The following C6orf47 variants were observed in gnomAD, a reference collection of about 807,000 sequenced individuals.
C6orf47 encodes uncharacterized protein C6orf47.
C6orf47 carries 1 observed loss-of-function variant against 5.6 expected under a neutral mutation model. That is an observed-to-expected ratio of 0.18 (90% confidence interval 0.06 to 0.85). The LOEUF (loss-of-function observed/expected upper bound fraction) is 0.85, where lower values mean the gene tolerates loss of function less well. Among genes scored for constraint, C6orf47 ranks in the 40% least tolerant of loss-of-function variants. The probability of loss-of-function intolerance (pLI) is 0.70; values close to 1 mark genes in which losing one functional copy is unlikely to be tolerated. For synonymous variants in C6orf47, 149 were observed against 161.7 expected (o/e 0.92, Z 0.60); for missense variants, 323 against 367.1 (o/e 0.88, Z 0.98).
In C6orf47 at chr6:31,659,414, G is replaced by A; in HGVS notation, c.534C>T (p.Ile178=). The part of the protein sequence containing the change: ...YLGGPEECLQ[I]STNLTLHLLE... ...GAAGATGCAGGGTCAGGTTGGTGGAGATCTGCAGACACTCTTCTGGGCCCC... is the reference window on the plus strand; with the variant it reads ...GAAGATGCAGGGTCAGGTTGGTGGAAATCTGCAGACACTCTTCTGGGCCCC... Residue 178 remains isoleucine, a synonymous_variant, in exon 1 of 1, where the codon ATC becomes ATT. Coordinates refer to ENST00000375911, the MANE Select transcript of C6orf47 (RefSeq NM_021184.4). The surrounding 1 kb of genome is among the most constrained non-coding windows in gnomAD (Gnocchi z 5.6). 1.2e-6 allele frequency: 2 copies of A among 1,613,088 alleles called. No individual in the cohort carries two copies. Among genetic ancestry groups the A allele is most frequent in the Admixed American group, 1.7e-5 (1 of 60,018 alleles).
Position 31,660,363 on chromosome 6 carries a change from G to T in C6orf47, c.-416C>A, listed in dbSNP as rs145531009. The T allele has an allele frequency of 1.2e-3, 252 of 217,078 alleles. 1 individual carries two copies. The Middle Eastern group carries it at 0.019, about 17-fold the overall frequency. The allele number at this position is 217,078 out of a possible 1,614,324, so 13.4% of individuals were successfully genotyped here. A position where few individuals can be genotyped will look rare whatever the true frequency, so the allele number is the denominator to read the frequency against. On this transcript the variant is annotated 5_prime_UTR_variant, in exon 1 of 1. Transcript: ENST00000375911. The surrounding 1 kb of genome is among the most constrained non-coding windows in gnomAD (Gnocchi z 4.7). ...GTGTCCCAGAAACTGGGGAGGCAGT[G>T]CTCCATCCAATAAAGCGGGCAGGAA...
Position 31,658,783 on chromosome 6 carries a change from G to A in C6orf47, c.*280C>T, listed in dbSNP as rs934030232. Reference sequence around the variant, plus strand: ...CACCATCATACTTTTTTTTTTTTTTGCTTTTAAAAAGTGGAGGTGGAAAAA... The same window carrying A: ...CACCATCATACTTTTTTTTTTTTTTACTTTTAAAAAGTGGAGGTGGAAAAA... On this transcript the variant is annotated 3_prime_UTR_variant, in exon 1 of 1. Transcript: ENST00000375911. 1.6e-5 allele frequency: 4 copies of A among 255,294 alleles called. No individual in the cohort carries two copies. The highest frequency in any genetic ancestry group is 2.7e-5 in the Non-Finnish European group (4 of 146,600). The allele number at this position is 255,294 out of a possible 1,614,324, so 15.8% of individuals were successfully genotyped here.
chr6:31,660,083 T>C lies in C6orf47; in HGVS notation c.-136A>G. 1 of 1,048,848 alleles carries C rather than the reference T, an allele frequency of 9.5e-7. No homozygotes were observed. Among genetic ancestry groups the C allele is most frequent in the Non-Finnish European group, 1.4e-6 (1 of 735,234 alleles). 65.0% of individuals were successfully genotyped at this position (1,048,848 alleles called of 1,614,324 possible). A position where few individuals can be genotyped will look rare whatever the true frequency, so the allele number is the denominator to read the frequency against. On this transcript the variant is annotated 5_prime_UTR_variant, in exon 1 of 1. Coordinates refer to ENST00000375911, the MANE Select transcript of C6orf47 (RefSeq NM_021184.4). This position sits in a 1 kb window ranked among gnomAD's most constrained non-coding sequence, Gnocchi z 4.7. ...CCTGGTGATGCAGTCCTACTCTGAATTCAGAAGTGGCTCCTCCCTTCTCTG... is the reference window on the plus strand; with the variant it reads ...CCTGGTGATGCAGTCCTACTCTGAACTCAGAAGTGGCTCCTCCCTTCTCTG...
Position 31,659,004 on chromosome 6 carries a change from T to C in C6orf47, c.*59A>G, listed in dbSNP as rs1800465385. The C allele has an allele frequency of 6.4e-7, 1 of 1,559,158 alleles. No individual in the cohort carries two copies. Among genetic ancestry groups the C allele is most frequent in the Non-Finnish European group, 8.7e-7 (1 of 1,147,116 alleles). On this transcript the variant is annotated 3_prime_UTR_variant, in exon 1 of 1. Coordinates refer to ENST00000375911, the MANE Select transcript of C6orf47 (RefSeq NM_021184.4). This position sits in a 1 kb window ranked among gnomAD's most constrained non-coding sequence, Gnocchi z 5.6. Reference sequence around the variant, plus strand: ...GTCCCTATGCTTACAATTTGGGTCATGCCTCACACTTTTCTCCTAAAGCCC... The same window carrying C: ...GTCCCTATGCTTACAATTTGGGTCACGCCTCACACTTTTCTCCTAAAGCCC...
chr6:31,659,150 A>G lies in C6orf47; in HGVS notation c.798T>C (p.Asn266=). ...LVLAVSLREP[N]GDEAATDWES... is the part of the protein sequence containing the mutation. ...CCCAGTCAGTGGCCGCCTCATCCCC[A>G]TTGGGCTCCCGGAGGCTGACAGCCA... Residue 266 remains asparagine, a synonymous_variant, in exon 1 of 1, where the codon AAT becomes AAC. Transcript: ENST00000375911. The surrounding 1 kb of genome is among the most constrained non-coding windows in gnomAD (Gnocchi z 5.6). The G allele has an allele frequency of 1.2e-6, 2 of 1,612,768 alleles. No homozygotes were observed. The highest frequency in any genetic ancestry group is 1.7e-6 in the Non-Finnish European group (2 of 1,179,970).
chr6:31,659,006 C>A lies in C6orf47; in HGVS notation c.*57G>T, dbSNP rs759207765. The A allele has an allele frequency of 5.0e-5, 78 of 1,562,532 alleles. No individual in the cohort carries two copies. Among genetic ancestry groups the A allele is most frequent in the Non-Finnish European group, 5.7e-5 (65 of 1,148,848 alleles). On this transcript the variant is annotated 3_prime_UTR_variant, in exon 1 of 1. Transcript: ENST00000375911. The surrounding 1 kb of genome is among the most constrained non-coding windows in gnomAD (Gnocchi z 5.6). Reference sequence around the variant, plus strand: ...CCCTATGCTTACAATTTGGGTCATGCCTCACACTTTTCTCCTAAAGCCCAC... The same window carrying A: ...CCCTATGCTTACAATTTGGGTCATGACTCACACTTTTCTCCTAAAGCCCAC...
Position 31,659,183 on chromosome 6 carries a change from G to A in C6orf47, c.765C>T (p.Ala255=), listed in dbSNP as rs748220177. 4.3e-6 allele frequency: 7 copies of A among 1,613,072 alleles called. No homozygotes were observed. The highest frequency in any genetic ancestry group is 5.9e-6 in the Non-Finnish European group (7 of 1,180,028). Residue 255 remains alanine (A), a synonymous_variant, in exon 1 of 1, where the codon GCC becomes GCT. Transcript: ENST00000375911. This position sits in a 1 kb window ranked among gnomAD's most constrained non-coding sequence, Gnocchi z 5.6. ...HFACLFGLLQ[A]LVLAVSLREP... is the part of the protein sequence containing the mutation. The stretch of plus-strand genomic sequence containing the variant: ...CCCGGAGGCTGACAGCCAGCACCAA[G>A]GCCTGCAGGAGACCAAAGAGGCAGG...
chr6:31,660,557 T>C lies in C6orf47; in HGVS notation c.-610A>G, dbSNP rs1192066018. 1 of 167,388 alleles carries C rather than the reference T, an allele frequency of 6.0e-6. No homozygotes were observed. Among genetic ancestry groups the C allele is most frequent in the Non-Finnish European group, 1.5e-5 (1 of 68,306 alleles). 10.4% of individuals were successfully genotyped at this position (167,388 alleles called of 1,614,324 possible). ...TTAGAGGGCTATGATTTCTACAAAG[T>C]GGCCCGACTGGCCCGCGAACACGCA... On this transcript the variant is annotated 5_prime_UTR_variant, in exon 1 of 1. Transcript: ENST00000375911. This position sits in a 1 kb window ranked among gnomAD's most constrained non-coding sequence, Gnocchi z 4.7.
In C6orf47 at chr6:31,659,352, G is replaced by A. The variant is rs752798207; in HGVS notation, c.596C>T (p.Ser199Leu). ...GTCCAAGGCTGCCCGCAGTGGTCGTGAGCACAGGGCCAGCAGGGCAGAGGC... is the reference window on the plus strand; with the variant it reads ...GTCCAAGGCTGCCCGCAGTGGTCGTAAGCACAGGGCCAGCAGGGCAGAGGC... Reference protein sequence around the residue: ...LLASALLALCSRPLRAALDTL... With the variant: ...LLASALLALCLRPLRAALDTL... Residue 199 changes from serine (S) to leucine (L), a missense_variant, in exon 1 of 1, where the codon TCA (serine) becomes TTA (leucine). Physicochemically the swap from Ser to Leu is moderately radical, Grantham distance 145. Coordinates refer to ENST00000375911, the MANE Select transcript of C6orf47 (RefSeq NM_021184.4). This position sits in a 1 kb window ranked among gnomAD's most constrained non-coding sequence, Gnocchi z 5.6. 5 of 1,613,120 alleles carry A rather than the reference G, an allele frequency of 3.1e-6. No homozygotes were observed. The South Asian group carries it at 5.5e-5, about 18-fold the overall frequency.
chr6:31,659,906 C>T lies in C6orf47; in HGVS notation c.42G>A (p.Trp14Ter). 1.3e-6 allele frequency: 2 copies of T among 1,597,530 alleles called. No individual in the cohort carries two copies. The highest frequency in any genetic ancestry group is 8.5e-7 in the Non-Finnish European group (1 of 1,171,582). The change falls in exon 1 of 1, where the codon TGG becomes TGA. Residue 14 changes from tryptophan to a stop codon, truncating the protein, a stop_gained. Coordinates refer to ENST00000375911, the MANE Select transcript of C6orf47 (RefSeq NM_021184.4). LOFTEE classifies it low-confidence loss of function (END_TRUNC). This position sits in a 1 kb window ranked among gnomAD's most constrained non-coding sequence, Gnocchi z 5.6. Reference protein sequence around the residue: ...RRLGGWLPRPWGRRKPMRPDP... With the variant: ...RRLGGWLPRP ...CAGGCCTCATTGGTTTCCGGCGGCC[C>T]CAAGGGCGAGGTAGCCAGCCACCAA...
In C6orf47 at chr6:31,659,442, A is replaced by G. The variant is rs1296612116; in HGVS notation, c.506T>C (p.Leu169Ser). 1 of 1,612,906 alleles carries G rather than the reference A, an allele frequency of 6.2e-7. No individual in the cohort carries two copies. The highest frequency in any genetic ancestry group is 8.5e-7 in the Non-Finnish European group (1 of 1,180,014). Residue 169 changes from leucine to serine, a missense_variant, in exon 1 of 1, where the codon TTG becomes TCG. Physicochemically the swap from Leu to Ser is moderately radical, Grantham distance 145. Transcript: ENST00000375911. The surrounding 1 kb of genome is among the most constrained non-coding windows in gnomAD (Gnocchi z 5.6). ...RGEPGAPSRY[L>S]GGPEECLQIS... ...CTGCAGACACTCTTCTGGGCCCCCCAAGTACCGGGAGGGAGCTCCTGGTTC... is the reference window on the plus strand; with the variant it reads ...CTGCAGACACTCTTCTGGGCCCCCCGAGTACCGGGAGGGAGCTCCTGGTTC...
rs142552983 is a variant in C6orf47, at chr6:31,659,863, G to C, written c.85C>G (p.Pro29Ala). Reference sequence around the variant, plus strand: ...TCCGAGGAGCTGTCCACCCGTCTGGGTTCTGGGTAAGGCGGGTCAGGCCTC... The same window carrying C: ...TCCGAGGAGCTGTCCACCCGTCTGGCTTCTGGGTAAGGCGGGTCAGGCCTC... ...PMRPDPPYPE[P>A]RRVDSSSENS... Residue 29 changes from proline to alanine, a missense_variant, in exon 1 of 1, where the codon CCC (proline) becomes GCC (alanine). Coordinates refer to ENST00000375911, the MANE Select transcript of C6orf47 (RefSeq NM_021184.4). The surrounding 1 kb of genome is among the most constrained non-coding windows in gnomAD (Gnocchi z 5.6). 1,195 of 1,612,456 alleles carry C rather than the reference G, an allele frequency of 7.4e-4. 5 individuals are homozygous for C. The highest frequency in any genetic ancestry group is 1.2e-3 in the South Asian group (112 of 90,910).
Position 31,659,546 on chromosome 6 carries a change from C to A in C6orf47, c.402G>T (p.Gly134=). ...GTRRPGVSPE[G]GLSVPGPGAP... ...CTCCTGGCCCAGGGACGCTCAGTCC[C>A]CCTTCAGGGGACACCCCTGGTCTCC... is the stretch of plus-strand genomic sequence containing the variant. The change falls in exon 1 of 1, where the codon GGG becomes GGT. Residue 134 remains glycine, a synonymous_variant. Coordinates refer to ENST00000375911, the MANE Select transcript of C6orf47 (RefSeq NM_021184.4). The surrounding 1 kb of genome is among the most constrained non-coding windows in gnomAD (Gnocchi z 5.6). The A allele has an allele frequency of 6.2e-7, 1 of 1,613,016 alleles. No homozygotes were observed. Among genetic ancestry groups the A allele is most frequent in the African/African-American group, 1.3e-5 (1 of 75,054 alleles).
Position 31,659,029 on chromosome 6 carries a change from C to A in C6orf47, c.*34G>T. On this transcript the variant is annotated 3_prime_UTR_variant, in exon 1 of 1. Transcript: ENST00000375911. This position sits in a 1 kb window ranked among gnomAD's most constrained non-coding sequence, Gnocchi z 5.6. ...TGCCTCACACTTTTCTCCTAAAGCC[C>A]ACACTCTCTTCACCCTTTGCCCCCA... The A allele has an allele frequency of 6.3e-7, 1 of 1,589,444 alleles. No homozygotes were observed. Among genetic ancestry groups the A allele is most frequent in the Non-Finnish European group, 8.6e-7 (1 of 1,164,740 alleles).
rs1800526684 is a variant in C6orf47 at position 31,659,342 on chromosome 6, C to T, written c.606G>A (p.Leu202=). 1.2e-6 allele frequency: 2 copies of T among 1,613,126 alleles called. No homozygotes were observed. The highest frequency in any genetic ancestry group is 1.1e-5 in the South Asian group (1 of 91,086). The part of the protein sequence containing the change: ...SALLALCSRP[L]RAALDTLGLR... ...GGCCCAGTGTGTCCAAGGCTGCCCG[C>T]AGTGGTCGTGAGCACAGGGCCAGCA... The change falls in exon 1 of 1, where the codon CTG becomes CTA. Residue 202 remains leucine (L), a synonymous_variant. Coordinates refer to ENST00000375911, the MANE Select transcript of C6orf47 (RefSeq NM_021184.4). The surrounding 1 kb of genome is among the most constrained non-coding windows in gnomAD (Gnocchi z 5.6).
At position 31,659,907 on chromosome 6, in the gene C6orf47, C is replaced by G; in HGVS notation, c.41G>C (p.Trp14Ser). 3.1e-6 allele frequency: 5 copies of G among 1,596,572 alleles called. No homozygotes were observed. Among genetic ancestry groups the G allele is most frequent in the Non-Finnish European group, 4.3e-6 (5 of 1,171,030 alleles). The change falls in exon 1 of 1, where the codon TGG becomes TCG. Residue 14 changes from tryptophan to serine, a missense_variant. By Grantham distance (177) the Trp-to-Ser change is radical. Transcript: ENST00000375911. This position sits in a 1 kb window ranked among gnomAD's most constrained non-coding sequence, Gnocchi z 5.6. ...RRLGGWLPRP[W>S]GRRKPMRPDP... ...AGGCCTCATTGGTTTCCGGCGGCCC[C>G]AAGGGCGAGGTAGCCAGCCACCAAG... is the stretch of plus-strand genomic sequence containing the variant.
rs1800672709 is a variant in C6orf47, at chr6:31,660,265, CCT to C, written c.-320_-319del. On this transcript the variant is annotated 5_prime_UTR_variant, in exon 1 of 1. Coordinates refer to ENST00000375911, the MANE Select transcript of C6orf47 (RefSeq NM_021184.4). This position sits in a 1 kb window ranked among gnomAD's most constrained non-coding sequence, Gnocchi z 4.7. Reference sequence around the variant, plus strand: ...AAGGCCTGGGTCACCACCAGAGAGTCCTCTCTGCGTTTCCGGATTTCCTTCCC... The same window carrying C: ...AAGGCCTGGGTCACCACCAGAGAGTCCTCTGCGTTTCCGGATTTCCTTCCC... The C allele has an allele frequency of 2.7e-6, 1 of 374,464 alleles. No homozygotes were observed. The highest frequency in any genetic ancestry group is 5.0e-6 in the Non-Finnish European group (1 of 199,864). 23.2% of individuals were successfully genotyped at this position (374,464 alleles called of 1,614,324 possible). A position where few individuals can be genotyped will look rare whatever the true frequency, so the allele number is the denominator to read the frequency against.
rs778031995 is a variant in C6orf47 at position 31,659,909 on chromosome 6, A to G, written c.39T>C (p.Pro13=). Residue 13 remains proline (P), a synonymous_variant, in exon 1 of 1, where the codon CCT becomes CCC. Transcript: ENST00000375911. The surrounding 1 kb of genome is among the most constrained non-coding windows in gnomAD (Gnocchi z 5.6). Reference sequence around the variant, plus strand: ...GCCTCATTGGTTTCCGGCGGCCCCAAGGGCGAGGTAGCCAGCCACCAAGCC... The same window carrying G: ...GCCTCATTGGTTTCCGGCGGCCCCAGGGGCGAGGTAGCCAGCCACCAAGCC... The part of the protein sequence containing the change: ...LRRLGGWLPR[P]WGRRKPMRPD... 5.0e-6 allele frequency: 8 copies of G among 1,593,474 alleles called. No homozygotes were observed. Among genetic ancestry groups the G allele is most frequent in the South Asian group, 1.1e-5 (1 of 88,750 alleles).
Position 31,658,629 on chromosome 6 carries a change from C to T in C6orf47, c.*434G>A, listed in dbSNP as rs1005477810. 13 of 203,004 alleles carry T rather than the reference C, an allele frequency of 6.4e-5. No individual in the cohort carries two copies. The South Asian group carries it at 8.0e-4, about 12-fold the overall frequency. The allele number at this position is 203,004 out of a possible 1,614,324, so 12.6% of individuals were successfully genotyped here. On this transcript the variant is annotated 3_prime_UTR_variant, in exon 1 of 1. Coordinates refer to ENST00000375911, the MANE Select transcript of C6orf47 (RefSeq NM_021184.4). Reference sequence around the variant, plus strand: ...CACTCTTCCCTCGATGGCTCAGATCCTGAGATCCAAGGAACACCCTGGGTT... The same window carrying T: ...CACTCTTCCCTCGATGGCTCAGATCTTGAGATCCAAGGAACACCCTGGGTT...
Sources: allele counts gnomAD v4.1 joint callset, GRCh38; gene constraint gnomAD v4.1.1; non-coding constraint Gnocchi (gnomAD v3.1); transcripts MANE v1.5; gene names NCBI Gene and HGNC (gene_info 2026-07-23, HGNC 2026-07-21).